Variants in PPFIA2 observed in about 807,000 individuals in gnomAD.
PPFIA2 encodes PPFI scaffold protein A2.
In PPFIA2, 46 loss-of-function variants were observed where a neutral mutation model predicts 175.5. That is an observed-to-expected ratio of 0.26 (90% CI 0.21 to 0.34). The LOEUF is 0.34. Among genes scored for constraint, PPFIA2 ranks in the 10% least tolerant of loss-of-function variants. PPFIA2 has a pLI of 1.00. For synonymous variants in PPFIA2, 568 were observed against 511.4 expected, an observed-to-expected ratio of 1.11 and a Z score of -1.49; for missense variants, 1,179 against 1,506.1, an observed-to-expected ratio of 0.78 and a Z score of 3.60.
intron 4 of PPFIA2, among the ~76,000 whole-genome samples, chr12:81,645,190 A>AGAAGGAAG (rs898209332): frequency 6.6e-6 from 1 of 151,934 alleles, no homozygotes; most frequent in Non-Finnish European, 1.5e-5. Context: ...AGGGAAAGAG[A>AGAAGGAAG]GAAGGAAGGA....
At chr12:81,499,817 A>C (rs2060406892) in intron 4 of PPFIA2, among the ~76,000 whole-genome samples, 1 of 147,952 alleles carries the variant, frequency 6.8e-6, no homozygotes, top group Non-Finnish European at 1.5e-5. Context: ...AGTGCTTCCT[A>C]AAAAAAAAAG....
intron 4 of PPFIA2, among the ~76,000 whole-genome samples, chr12:81,539,582 T>G (rs1269990441): frequency 1.3e-5 from 2 of 151,930 alleles, no homozygotes; most frequent in Non-Finnish European, 2.9e-5. Context: ...GCCCAGCAAT[T>G]TGTGTTTTAG....
intron 4 of PPFIA2, among the ~76,000 whole-genome samples, chr12:81,633,160 G>T (rs2063586880): frequency 6.6e-6 from 1 of 151,978 alleles, no homozygotes; most frequent in Non-Finnish European, 1.5e-5. Context: ...CTGTGAGTGT[G>T]GCTATTTTTA....
At chr12:81,680,099 T>C (rs1336682415) in intron 3 of PPFIA2, among the ~76,000 whole-genome samples, 1 of 152,004 alleles carries the variant, frequency 6.6e-6, no homozygotes, top group Non-Finnish European at 1.5e-5. Context: ...ATTGACTTCC[T>C]AGAAAGTTTT....
At chr12:81,634,706 C>A (rs2063788313) in intron 4 of PPFIA2, among the ~76,000 whole-genome samples, 1 of 152,030 alleles carries the variant, frequency 6.6e-6, no homozygotes, top group African/African-American at 2.4e-5. Flanking sequence ...CCACATGAGG[C>A]ACTGTGATCA....
At chr12:81,488,688 C>G (rs1449053477) in intron 4 of PPFIA2, among the ~76,000 whole-genome samples, 1 of 151,818 alleles carries the variant, frequency 6.6e-6, no homozygotes, top group Non-Finnish European at 1.5e-5. Context: ...GATGTCACAT[C>G]CCCTATTCTA....
chr12:81,642,710 G>GTATATATAATATATACATACAT, intron 4 of PPFIA2, among the ~76,000 whole-genome samples: 1 of 75,712 alleles, frequency 1.3e-5, no homozygotes, highest in South Asian at 4.6e-4. Flanking sequence ...GTATATGTAT[G>GTATATATAATATATACATACAT]TATGTATTAT....
At chr12:81,367,271 C>T in intron 13 of PPFIA2, 101 bp from the exon 14 acceptor site, 1 of 807,252 alleles carries the variant, frequency 1.2e-6, no homozygotes, top group Non-Finnish European at 1.7e-6. Context: ...TCTTAGATTC[C>T]TTCCTTAGTT....
chr12:81,689,869 A>G (rs962760658), intron 3 of PPFIA2, among the ~76,000 whole-genome samples: 1 of 152,124 alleles, frequency 6.6e-6, no homozygotes, highest in Non-Finnish European at 1.5e-5. Flanking sequence ...AGTGCATACA[A>G]TGCTAAGTTC....
chr12:81,615,030 G>T (rs2061311926), intron 4 of PPFIA2, among the ~76,000 whole-genome samples: 1 of 152,086 alleles, frequency 6.6e-6, no homozygotes, highest in African/African-American at 2.4e-5. Context: ...TTAAATCTGT[G>T]CAGAATATGA....
intron 3 of PPFIA2, among the ~76,000 whole-genome samples, chr12:81,700,065 G>A (rs893977633): frequency 3.3e-5 from 5 of 151,788 alleles, no homozygotes; most frequent in Non-Finnish European, 7.4e-5. Context: ...ATGACCATTT[G>A]TCTTCATACT....
intron 22 of PPFIA2, among the ~76,000 whole-genome samples, chr12:81,301,781 T>A (rs1470906604): frequency 2.0e-5 from 3 of 152,174 alleles, no homozygotes; most frequent in Non-Finnish European, 4.4e-5. Flanking sequence ...TATCTCTACA[T>A]GGCTAACTCT....
At chr12:81,491,759 T>C (rs917733664) in intron 4 of PPFIA2, among the ~76,000 whole-genome samples, 11 of 151,962 alleles carry the variant, frequency 7.2e-5, no homozygotes, top group African/African-American at 2.7e-4. Context: ...TGTCCTAGTA[T>C]CCTAAATTGT....
chr12:81,405,540 C>G (rs986242876), intron 8 of PPFIA2, among the ~76,000 whole-genome samples: 1 of 151,348 alleles, frequency 6.6e-6, no homozygotes, highest in African/African-American at 2.4e-5. Context: ...TTAAGAAAAT[C>G]AATTAAGAGC....
chr12:81,681,362 C>A (rs1043360625), intron 3 of PPFIA2, among the ~76,000 whole-genome samples: 3 of 152,052 alleles, frequency 2.0e-5, no homozygotes, highest in African/African-American at 7.2e-5. Context: ...TTTTTCAACA[C>A]TGGAAAGTTC....
intron 4 of PPFIA2, among the ~76,000 whole-genome samples, chr12:81,596,736 A>G (rs1172366326): frequency 1.3e-5 from 2 of 152,148 alleles, no homozygotes; most frequent in African/African-American, 4.8e-5. Flanking sequence ...AGGAGAAAAA[A>G]AAGTAATAAT....
chr12:81,666,421 T>C (rs936037248), intron 4 of PPFIA2, among the ~76,000 whole-genome samples: 18 of 152,042 alleles, frequency 1.2e-4, no homozygotes, highest in Admixed American at 5.2e-4. Context: ...CCATGGAATA[T>C]TATGCAGCCA....
intron 4 of PPFIA2, among the ~76,000 whole-genome samples, chr12:81,599,858 C>A (rs1595470816): frequency 6.6e-6 from 1 of 151,878 alleles, no homozygotes; most frequent in East Asian, 1.9e-4. Context: ...ATCCCCTAAT[C>A]CCATGAAATC....
intron 28 of PPFIA2, among the ~76,000 whole-genome samples, chr12:81,276,570 T>C (rs527953688): frequency 1.3e-3 from 194 of 152,276 alleles, no homozygotes; most frequent in African/African-American, 4.4e-3. Flanking sequence ...GTACTTCTCT[T>C]TTGAAATTAT....
Sources: allele counts gnomAD v4.1 joint callset (sites outside exome capture counted in the v4.1 genomes callset), GRCh38; gene constraint gnomAD v4.1.1; transcripts MANE v1.5; gene names NCBI Gene and HGNC (gene_info 2026-07-23, HGNC 2026-07-21).